The following BEST1 variants were observed in gnomAD, a reference collection of about 807,000 sequenced individuals.
BEST1 encodes the protein bestrophin 1, also known as bestrophin-1.
In BEST1, 58 loss-of-function variants were observed where a neutral mutation model predicts 63.3. The ratio of observed to expected loss-of-function variants is 0.92; its 90% CI spans 0.74 to 1.14. The LOEUF is 1.14. Among genes scored for constraint, BEST1 ranks in the 50% most tolerant of loss-of-function variants. The probability of loss-of-function intolerance (pLI) is 0.00; values close to 1 mark genes in which losing one functional copy is unlikely to be tolerated. For missense variants in BEST1, 671 were observed against 740.1 expected, an observed-to-expected ratio of 0.91 and a Z score of 1.08; for synonymous variants, 283 against 291.6, an observed-to-expected ratio of 0.97 and a Z score of 0.30.
chr11:61,954,619 G>A (rs1447052506), intron 2 of BEST1, among the ~76,000 whole-genome samples: 3 of 152,074 alleles, frequency 2.0e-5, no homozygotes, highest in Non-Finnish European at 2.9e-5. Context: ...GCAGGCATAC[G>A]GCAACGGCAC....
At chr11:61,952,179 G>GT (rs1328844502) in intron 2 of BEST1, among the ~76,000 whole-genome samples, 1 of 152,146 alleles carries the variant, frequency 6.6e-6, no homozygotes, top group Non-Finnish European at 1.5e-5. Context: ...GGCCAGCAGG[G>GT]TTTTAGCCAC....
downstream of BEST1, chr11:61,965,202 A>G: frequency 6.3e-7 from 1 of 1,596,704 alleles, no homozygotes; most frequent in South Asian, 1.1e-5. Context: ...GGCAAAAGGG[A>G]CATTACTATT....
At position 61,964,338 on chromosome 11, in the gene BEST1, T is replaced by C. The variant is rs1801327; in HGVS notation, c.*216T>C. On this transcript the variant is annotated 3_prime_UTR_variant, in exon 11 of 11. Transcript: ENST00000378043. ...AAACTGTGAAAGCTAGACTGAACCA[T>C]TGGAAACATTTAACTCAGACTCTGG... is the stretch of plus-strand genomic sequence containing the variant. 0.012 allele frequency: 11,444 copies of C among 926,132 alleles called. 117 individuals are homozygous for C. Among genetic ancestry groups the C allele is most frequent in the Middle Eastern group, 0.015 (47 of 3,072 alleles). 57.4% of individuals were successfully genotyped at this position (926,132 alleles called of 1,614,324 possible).
At chr11:61,964,796 C>T (rs778011064), downstream of BEST1, 7 of 1,599,824 alleles carry the variant, frequency 4.4e-6, no homozygotes, top group African/African-American at 1.3e-5. Flanking sequence ...CAGATTCGGG[C>T]GCTCCCATCT....
chr11:61,952,565 C>T (rs1257551628), intron 2 of BEST1, among the ~76,000 whole-genome samples: 1 of 147,592 alleles, frequency 6.8e-6, no homozygotes, highest in Admixed American at 6.9e-5. Context: ...CTCCCAGGTG[C>T]AAGCGATTCT....
chr11:61,954,779 C>T, intron 2 of BEST1: 1 of 984,786 alleles, frequency 1.0e-6, no homozygotes, highest in Non-Finnish European at 1.2e-6. Context: ...TGCTTTTAAA[C>T]AACTGACCCT....
chr11:61,955,459 C>T (rs1591282108), intron 3 of BEST1: 6 of 1,332,524 alleles, frequency 4.5e-6, no homozygotes, highest in Non-Finnish European at 6.0e-6. Flanking sequence ...GTCCCTGGAG[C>T]CCCTGCGCGG....
Position 61,962,860 on chromosome 11 carries a change from A to G in BEST1, c.1706A>G (p.Asp569Gly). The change falls in exon 10 of 11, where the codon GAT becomes GGT. Residue 569 changes from aspartate to glycine, a missense_variant. Transcript: ENST00000378043. ...SPTNIHTTLK[D>G]HMDPYWALEN... The stretch of plus-strand genomic sequence containing the variant: ...ACCAACATACACACTACACTCAAAG[A>G]TCACATGGATCCTTATTGGGCCTTG... 6.2e-7 allele frequency: 1 copy of G among 1,614,164 alleles called. No homozygotes were observed. The highest frequency in any genetic ancestry group is 8.5e-7 in the Non-Finnish European group (1 of 1,180,036).
Position 61,962,817 on chromosome 11 carries a change from C to T in BEST1, c.1663C>T (p.Pro555Ser). 6.2e-7 allele frequency: 1 copy of T among 1,614,170 alleles called. No homozygotes were observed. The highest frequency in any genetic ancestry group is 8.5e-7 in the Non-Finnish European group (1 of 1,180,038). The change falls in exon 10 of 11, where the codon CCT becomes TCT. Residue 555 changes from proline (P) to serine (S), a missense_variant. Pro to Ser is a moderately conservative substitution (Grantham distance 74). Coordinates refer to ENST00000378043, the MANE Select transcript of BEST1 (RefSeq NM_004183.4). ...PEIPENHLKEPLEQSPTNIHT... is the reference protein window; with the variant it reads ...PEIPENHLKESLEQSPTNIHT... ...GATCCCCGAAAATCACCTCAAAGAA[C>T]CTTTGGAACAATCACCAACCAACAT...
intron 10 of BEST1, chr11:61,963,513 C>A: frequency 9.6e-7 from 1 of 1,044,656 alleles, no homozygotes; most frequent in South Asian, 4.0e-5. Context: ...CCCTTTATTC[C>A]AGATTTCCTG....
chr11:61,955,302 G>A, intron 3 of BEST1, 101 bp downstream of exon 3: 27 of 1,585,566 alleles, frequency 1.7e-5, no homozygotes, highest in Non-Finnish European at 2.2e-5. Flanking sequence ...GCTGGGGAGG[G>A]GGCGGGGGAA....
intron 3 of BEST1, 24 bp from the exon 4 acceptor site, chr11:61,955,692 CCT>C: frequency 6.6e-7 from 1 of 1,522,794 alleles, no homozygotes; most frequent in Non-Finnish European, 8.9e-7. Flanking sequence ...GCCCCTCGCC[CCT>C]CGCCCCCCGC....
intron 9 of BEST1, chr11:61,960,450 A>C: frequency 4.2e-6 from 1 of 236,884 alleles, no homozygotes; most frequent in Non-Finnish European, 8.6e-6. Context: ...GGCTCACTGC[A>C]ACCTCCGCCT....
In BEST1 at chr11:61,962,265, G is replaced by A. The variant is rs750692603; in HGVS notation, c.1111G>A (p.Glu371Lys). Reference sequence around the variant, plus strand: ...CCTGTTTCTTTCCAGCCTGAACAAAGAGGAGATGGAGTTCCAGCCCAATCA... The same window carrying A: ...CCTGTTTCTTTCCAGCCTGAACAAAAAGGAGATGGAGTTCCAGCCCAATCA... ...GSTFNISLNKEEMEFQPNQED... is the reference protein window; with the variant it reads ...GSTFNISLNKKEMEFQPNQED... Residue 371 changes from glutamate (E) to lysine (K), a missense_variant, in exon 10 of 11, where the codon GAG becomes AAG. Physicochemically the swap from Glu to Lys is moderately conservative, Grantham distance 56 (BLOSUM62 1). Coordinates refer to ENST00000378043, the MANE Select transcript of BEST1 (RefSeq NM_004183.4). 6.2e-7 allele frequency: 1 copy of A among 1,614,092 alleles called. No individual in the cohort carries two copies. The highest frequency in any genetic ancestry group is 1.1e-5 in the South Asian group (1 of 91,066).
At chr11:61,965,001 T>C (rs1942417978), downstream of BEST1, 1 of 1,614,132 alleles carries the variant, frequency 6.2e-7, no homozygotes. Context: ...GGGTCATTTT[T>C]GTCAGTGGCC....
chr11:61,962,568 C>T lies in BEST1; in HGVS notation c.1414C>T (p.Leu472Phe). The change falls in exon 10 of 11, where the codon CTC becomes TTC. Residue 472 changes from leucine to phenylalanine, a missense_variant. Leu to Phe is a conservative substitution (Grantham distance 22). Transcript: ENST00000378043. ...CTACTACAGTGCCCCACAGACGCCCCTCAGCCCCACTCCCATGTTCTTCCC... is the reference window on the plus strand; with the variant it reads ...CTACTACAGTGCCCCACAGACGCCCTTCAGCCCCACTCCCATGTTCTTCCC... ...PGYYSAPQTP[L>F]SPTPMFFPLE... 1 of 1,614,176 alleles carries T rather than the reference C, an allele frequency of 6.2e-7. No individual in the cohort carries two copies. The highest frequency in any genetic ancestry group is 8.5e-7 in the Non-Finnish European group (1 of 1,180,016).
intron 8 of BEST1, 53 bp downstream of exon 8, chr11:61,959,631 A>C: frequency 2.5e-6 from 4 of 1,591,424 alleles, no homozygotes; most frequent in Non-Finnish European, 3.4e-6. Context: ...AAGTGGACCC[A>C]AAGAGAGGAC....
chr11:61,952,414 T>C (rs1367657168), intron 2 of BEST1, among the ~76,000 whole-genome samples: 1 of 150,558 alleles, frequency 6.6e-6, no homozygotes, highest in East Asian at 2.0e-4. Context: ...CCCAAGGGGC[T>C]GGGATTACAG....
chr11:61,965,124 T>G (rs373393355), downstream of BEST1: 2 of 1,603,384 alleles, frequency 1.2e-6, no homozygotes, highest in Admixed American at 3.3e-5. Context: ...TGAATGAGAA[T>G]AGGTTAATGC....
Sources: allele counts gnomAD v4.1 joint callset (sites outside exome capture counted in the v4.1 genomes callset), GRCh38; gene constraint gnomAD v4.1.1; transcripts MANE v1.5; gene names NCBI Gene and HGNC (gene_info 2026-07-23, HGNC 2026-07-21).